CYP7B1: variants seen among roughly 807,000 people sequenced by gnomAD.
The protein encoded by CYP7B1 is cytochrome P450 family 7 subfamily B member 1.
In CYP7B1, 29 loss-of-function variants were observed where a neutral mutation model predicts 42.7. The ratio of observed to expected loss-of-function variants is 0.68; its 90% CI spans 0.51 to 0.93. The LOEUF (loss-of-function observed/expected upper bound fraction) is 0.93. CYP7B1 is among the 40% of genes least tolerant of loss of function. The pLI, the probability that CYP7B1 is intolerant of heterozygous loss-of-function variation, is 0.00. For synonymous variants in CYP7B1, 235 were observed against 218.2 expected (o/e 1.08, Z -0.68); for missense variants, 655 against 600.5 (o/e 1.09, Z -0.95).
intron 1 of CYP7B1, among the ~76,000 whole-genome samples, chr8:64,643,173 A>ATATATATACG (rs1805891868): frequency 1.0e-5 from 1 of 96,126 alleles, no homozygotes; most frequent in Non-Finnish European, 2.4e-5. Flanking sequence ...ACATATATAC[A>ATATATATACG]TATATATACA....
intron 1 of CYP7B1, among the ~76,000 whole-genome samples, chr8:64,643,190 TATACACACAC>T (rs1805893664): frequency 6.0e-5 from 5 of 83,624 alleles, no homozygotes; most frequent in Admixed American, 2.6e-4. Context: ...TACATATATA[TATACACACAC>T]ACACACACAC....
Position 64,604,709 on chromosome 8 carries a change from A to T in CYP7B1, c.1206T>A (p.Gly402=). ...LVAIFPPVLH[G]DPEIFEAPEE... is the part of the protein sequence containing the mutation. ...CTGGAGCTTCAAAGATTTCAGGGTC[A>T]CCATGTAGGACTGGAGGAAAGATGG... Residue 402 remains glycine (G), a synonymous_variant, in exon 5 of 6, where the codon GGT becomes GGA. Coordinates refer to ENST00000310193, the MANE Select transcript of CYP7B1 (RefSeq NM_004820.5). 1 of 1,614,180 alleles carries T rather than the reference A, an allele frequency of 6.2e-7. No individual in the cohort carries two copies. The highest frequency in any genetic ancestry group is 8.5e-7 in the Non-Finnish European group (1 of 1,180,046).
At chr8:64,751,167 A>C (rs764067450) in intron 1 of CYP7B1, among the ~76,000 whole-genome samples, 2 of 152,212 alleles carry the variant, frequency 1.3e-5, no homozygotes, top group African/African-American at 4.8e-5. Context: ...CATTGGAGAC[A>C]ATTTTTAAAA....
chr8:64,786,620 GTC>G (rs1804532332), intron 1 of CYP7B1, among the ~76,000 whole-genome samples: 2 of 152,202 alleles, frequency 1.3e-5, no homozygotes. Context: ...GGCATTGAGT[GTC>G]TGGCTTTTCC....
chr8:64,642,463 AT>A (rs1296991732), intron 1 of CYP7B1, among the ~76,000 whole-genome samples: 1 of 152,134 alleles, frequency 6.6e-6, no homozygotes, highest in East Asian at 1.9e-4. Flanking sequence ...GATTTTTAAA[AT>A]TTTGCTCCCA....
At chr8:64,740,483 G>C (rs1343106704) in intron 1 of CYP7B1, among the ~76,000 whole-genome samples, 3 of 151,214 alleles carry the variant, frequency 2.0e-5, no homozygotes, top group Non-Finnish European at 4.4e-5. Context: ...CAGAAGAAAT[G>C]AAATAGTATA....
intron 1 of CYP7B1, among the ~76,000 whole-genome samples, chr8:64,720,449 A>G (rs187992538): frequency 1.1e-4 from 17 of 152,330 alleles, no homozygotes. Flanking sequence ...TGAAGCAAAT[A>G]ATAATACTCT....
intron 4 of CYP7B1, among the ~76,000 whole-genome samples, chr8:64,609,268 A>T (rs1805331006): frequency 6.6e-6 from 1 of 152,216 alleles, no homozygotes; most frequent in African/African-American, 2.4e-5. Flanking sequence ...ATTACCTCAC[A>T]TACTGATCAG....
At chr8:64,646,704 T>G (rs1805959039) in intron 1 of CYP7B1, among the ~76,000 whole-genome samples, 2 of 152,220 alleles carry the variant, frequency 1.3e-5, no homozygotes, top group Admixed American at 1.3e-4. Context: ...TGCTGCAGCT[T>G]CTCAATCAGC....
intron 1 of CYP7B1, among the ~76,000 whole-genome samples, chr8:64,735,384 G>T (rs1563409403): frequency 1.3e-5 from 2 of 151,928 alleles, no homozygotes; most frequent in African/African-American, 4.8e-5. Context: ...CATTTCTAAG[G>T]GTGTCTCCAC....
intron 1 of CYP7B1, among the ~76,000 whole-genome samples, chr8:64,670,897 T>C (rs1806357212): frequency 6.6e-6 from 1 of 152,144 alleles, no homozygotes; most frequent in Non-Finnish European, 1.5e-5. Context: ...CTGGTGTTAG[T>C]ATCACTTATT....
chr8:64,762,541 C>T (rs1450417234), intron 1 of CYP7B1, among the ~76,000 whole-genome samples: 1 of 152,186 alleles, frequency 6.6e-6, no homozygotes, highest in Non-Finnish European at 1.5e-5. Context: ...TAGGTTACTT[C>T]ACTAAGTTTT....
chr8:64,634,586 A>G (rs1326773726), intron 1 of CYP7B1, among the ~76,000 whole-genome samples: 2 of 143,642 alleles, frequency 1.4e-5, no homozygotes, highest in Middle Eastern at 3.6e-3. Context: ...CTCAAAAAAG[A>G]AAAAAAAAAA....
intron 1 of CYP7B1, among the ~76,000 whole-genome samples, chr8:64,689,787 C>T (rs1313329773): frequency 6.6e-6 from 1 of 152,040 alleles, no homozygotes; most frequent in African/African-American, 2.4e-5. Flanking sequence ...AGGCTGCTCT[C>T]GAACTCCTAA....
Position 64,643,659 on chromosome 8 carries a change from AC to A in CYP7B1, c.123-19121del, listed in dbSNP as rs112223081. ...TTTTGATGCTGTTTGATAGTATTTTACCCACAGTAAAACTTTTCAAAATTGG... is the reference window on the plus strand; with the variant it reads ...TTTTGATGCTGTTTGATAGTATTTTACCACAGTAAAACTTTTCAAAATTGG... On this transcript the variant is annotated intron_variant, in intron 1 of 5. Coordinates refer to ENST00000310193, the MANE Select transcript of CYP7B1 (RefSeq NM_004820.5). Among the ~76,000 whole-genome samples the A allele has an allele frequency of 3.2e-3, 481 of 152,286 alleles. 8 individuals are homozygous for A. Among genetic ancestry groups the A allele is most frequent in the African/African-American group, 0.011 (469 of 41,556 alleles).
At chr8:64,589,434 AG>A (rs1243934888), downstream of CYP7B1, among the ~76,000 whole-genome samples, 2 of 152,242 alleles carry the variant, frequency 1.3e-5, no homozygotes. Flanking sequence ...CCACATGTAT[AG>A]TTTTTACTTA....
chr8:64,606,983 T>A (rs1269254633), intron 4 of CYP7B1, among the ~76,000 whole-genome samples: 6 of 152,136 alleles, frequency 3.9e-5, no homozygotes, highest in African/African-American at 1.4e-4. Flanking sequence ...GTAGTTGTCA[T>A]AGTTGAGCAG....
At chr8:64,716,956 T>C (rs1338215789) in intron 1 of CYP7B1, among the ~76,000 whole-genome samples, 1 of 152,230 alleles carries the variant, frequency 6.6e-6, no homozygotes, top group East Asian at 1.9e-4. Context: ...TATTTTTCTA[T>C]GACTTTTGCC....
chr8:64,615,276 C>T, intron 3 of CYP7B1, 44 bp from the exon 4 acceptor site: 1 of 1,553,372 alleles, frequency 6.4e-7, no homozygotes, highest in South Asian at 1.2e-5. Flanking sequence ...GCGTTTATTA[C>T]ACTGATTAGA....
Sources: gnomAD v4.1 joint callset for allele counts (sites outside exome capture counted in the v4.1 genomes callset) on GRCh38, gnomAD v4.1.1 for gene constraint, MANE v1.5 for transcripts, NCBI Gene and HGNC (gene_info 2026-07-23, HGNC 2026-07-21) for gene names.